EBF4: variants seen among roughly 807,000 people sequenced by gnomAD.
EBF4 encodes the protein transcription factor COE4.
In EBF4, 34 loss-of-function variants were observed where a neutral mutation model predicts 67.1. The ratio of observed to expected loss-of-function variants is 0.51; its 90% CI spans 0.39 to 0.67. The LOEUF is 0.67. EBF4 is among the 30% of genes least tolerant of loss of function. EBF4 has a pLI of 0.00. For missense variants in EBF4, 837 were observed against 873.3 expected (o/e 0.96, Z 0.52); for synonymous variants, 387 against 377.7 (o/e 1.02, Z -0.29).
intron 5 of EBF4, 29 bp downstream of exon 5, chr20:2,708,049 C>A (rs759389955): frequency 6.3e-7 from 1 of 1,588,390 alleles, no homozygotes; most frequent in Admixed American, 1.8e-5. Context: ...TCACACCTCA[C>A]CCCTCTGCCA....
intron 6 of EBF4, among the ~76,000 whole-genome samples, chr20:2,714,810 A>G (rs2087587200): frequency 6.6e-6 from 1 of 151,890 alleles, no homozygotes; most frequent in Admixed American, 6.6e-5. Flanking sequence ...TCTTTTACAT[A>G]CTCCGGGTTT....
At chr20:2,753,224 C>G (rs569257318) in intron 14 of EBF4, among the ~76,000 whole-genome samples, 2 of 152,312 alleles carry the variant, frequency 1.3e-5, no homozygotes, top group Admixed American at 1.3e-4. Flanking sequence ...TGCCACTGTG[C>G]CTAAAGGGCC....
At position 2,756,851 on chromosome 20, in the gene EBF4, T is replaced by C. The variant is rs1439763479; in HGVS notation, c.1738+1027T>C. ...ATTACGTAAGTGGCTACTGAAGAAT[T>C]TGTCAGAGCCTTTCATGTGCCAGGG... On this transcript the variant is annotated intron_variant, in intron 15 of 16. Coordinates refer to ENST00000609451, the Ensembl canonical transcript of EBF4. The surrounding 1 kb of genome is among the most constrained non-coding windows in gnomAD (Gnocchi z 4.5). Among the ~76,000 whole-genome samples the C allele has an allele frequency of 6.6e-6, 1 of 152,196 alleles. No individual in the cohort carries two copies. The highest frequency in any genetic ancestry group is 1.5e-5 in the Non-Finnish European group (1 of 68,034).
chr20:2,753,232 G>A lies in EBF4; in HGVS notation c.1540+687G>A, dbSNP rs539417087. Reference sequence around the variant, plus strand: ...CTGAATGTGCCACTGTGCCTAAAGGGCCAGTGTGTGATTTCGGAGTCCCAG... The same window carrying A: ...CTGAATGTGCCACTGTGCCTAAAGGACCAGTGTGTGATTTCGGAGTCCCAG... On this transcript the variant is annotated intron_variant, in intron 14 of 16. Transcript: ENST00000609451. Among the ~76,000 whole-genome samples, 6 of 152,322 alleles carry A rather than the reference G, an allele frequency of 3.9e-5. No homozygotes were observed. The South Asian group carries it at 6.2e-4, about 16-fold the overall frequency.
Position 2,756,740 on chromosome 20 carries a change from G to T in EBF4, c.1738+916G>T, listed in dbSNP as rs1477962435. Among the ~76,000 whole-genome samples the T allele has an allele frequency of 6.6e-6, 1 of 152,216 alleles. No homozygotes were observed. The highest frequency in any genetic ancestry group is 6.5e-5 in the Admixed American group (1 of 15,286). On this transcript the variant is annotated intron_variant, in intron 15 of 16. Transcript: ENST00000609451. The surrounding 1 kb of genome is among the most constrained non-coding windows in gnomAD (Gnocchi z 4.5). ...TTTGTGGGGCACTGATCTGGAAGAG[G>T]TTGGGTTAGAGCACGTCCTATTGAG... is the stretch of plus-strand genomic sequence containing the variant.
intron 6 of EBF4, among the ~76,000 whole-genome samples, chr20:2,723,586 T>C (rs1357606475): frequency 6.6e-6 from 1 of 152,090 alleles, no homozygotes; most frequent in Non-Finnish European, 1.5e-5. Context: ...CCTGACCTCG[T>C]GATCCACCCG....
At chr20:2,706,589 G>T (rs1167699870) in intron 4 of EBF4, among the ~76,000 whole-genome samples, 1 of 152,174 alleles carries the variant, frequency 6.6e-6, no homozygotes, top group African/African-American at 2.4e-5. Flanking sequence ...AGGTAAGCTG[G>T]ACAGAAAACT....
chr20:2,744,482 T>C (rs1256034667), intron 6 of EBF4, among the ~76,000 whole-genome samples: 4 of 120,934 alleles, frequency 3.3e-5, no homozygotes, highest in African/African-American at 1.5e-4. Context: ...CTTTTTTCTT[T>C]TTTTCTTTTC....
At chr20:2,693,194 G>C, upstream of EBF4, 1 of 151,706 alleles carries the variant, frequency 6.6e-6, no homozygotes, top group African/African-American at 2.4e-5. The surrounding 1 kb of genome is among the most constrained non-coding windows in gnomAD (Gnocchi z 4.6). Context: ...GGGCGGGCGG[G>C]AGGTGGGGGC....
rs1403485132 is a variant in EBF4 at position 2,707,311 on chromosome 20, A to G, written c.415-636A>G. On this transcript the variant is annotated intron_variant, in intron 4 of 16. Coordinates refer to ENST00000609451, the Ensembl canonical transcript of EBF4. The surrounding 1 kb of genome is among the most constrained non-coding windows in gnomAD (Gnocchi z 4.6). The stretch of plus-strand genomic sequence containing the variant: ...GGGAAGGCACAGAGGGTTATAAACT[A>G]GGAAGGCAGATTTGCAGTTAGGAAG... 6.6e-6 allele frequency among the ~76,000 whole-genome samples: 1 copy of G among 152,138 alleles called. No homozygotes were observed. The highest frequency in any genetic ancestry group is 1.5e-5 in the Non-Finnish European group (1 of 68,022).
At chr20:2,702,176 A>G (rs1340448127) in intron 1 of EBF4, among the ~76,000 whole-genome samples, 3 of 152,180 alleles carry the variant, frequency 2.0e-5, no homozygotes, top group South Asian at 2.1e-4. Flanking sequence ...GCTCAAGACT[A>G]TAATCCCAGC....
At chr20:2,729,120 A>G (rs2087781097) in intron 6 of EBF4, among the ~76,000 whole-genome samples, 1 of 152,172 alleles carries the variant, frequency 6.6e-6, no homozygotes, top group East Asian at 1.9e-4. Context: ...TTATAATTCT[A>G]TGAATTTATT....
chr20:2,741,773 C>T (rs1472453316), intron 6 of EBF4, among the ~76,000 whole-genome samples: 1 of 152,182 alleles, frequency 6.6e-6, no homozygotes, highest in Non-Finnish European at 1.5e-5. Context: ...CCACTGTTCA[C>T]AGCTCTTCTT....
chr20:2,755,817 G>C lies in EBF4; in HGVS notation c.1731G>C (p.Gly577=). 1.3e-6 allele frequency: 2 copies of C among 1,546,962 alleles called. No homozygotes were observed. The highest frequency in any genetic ancestry group is 1.7e-6 in the Non-Finnish European group (2 of 1,146,796). Residue 577 remains glycine (G), a synonymous_variant, in exon 15 of 17, where the codon GGG becomes GGC. Coordinates refer to ENST00000609451, the Ensembl canonical transcript of EBF4. The surrounding 1 kb of genome is among the most constrained non-coding windows in gnomAD (Gnocchi z 4.7). ...CCTGCCCCAGAGCCCACGGAGAGGG[G>C]CTTCCAGGTGAGTGATCCACCCTGC...
chr20:2,735,753 G>A (rs1008027926), intron 6 of EBF4, among the ~76,000 whole-genome samples: 1 of 152,186 alleles, frequency 6.6e-6, no homozygotes, highest in African/African-American at 2.4e-5. Flanking sequence ...GAGAAGAGAG[G>A]CTTAAACAAT....
rs755767536 is a variant in EBF4, at chr20:2,749,768, C to T, written c.891+15C>T. On this transcript the variant is annotated intron_variant, in intron 9 of 16. Coordinates refer to ENST00000609451, the Ensembl canonical transcript of EBF4. ...TGTGGAGCGAGGTGGGCCAACCCCG[C>T]CAGTCTCCCTCTGGGCCTAGGGGCT... The T allele has an allele frequency of 9.3e-6, 14 of 1,498,484 alleles. No homozygotes were observed. In the Admixed American group the frequency reaches 2.8e-4, roughly 30 times the overall value. 92.8% of individuals were successfully genotyped at this position (1,498,484 alleles called of 1,614,324 possible).
chr20:2,724,728 G>GA, intron 6 of EBF4, among the ~76,000 whole-genome samples: 1 of 152,138 alleles, frequency 6.6e-6, no homozygotes, highest in Non-Finnish European at 1.5e-5. Context: ...AACATAGTGA[G>GA]ACCCCATCTC....
chr20:2,735,683 G>C (rs1389321842), intron 6 of EBF4, among the ~76,000 whole-genome samples: 1 of 152,176 alleles, frequency 6.6e-6, no homozygotes, highest in African/African-American at 2.4e-5. Context: ...TTTGACTCTT[G>C]AATTCTATCA....
At position 2,696,667 on chromosome 20, in the gene EBF4, A is replaced by G. The variant is rs114254499; in HGVS notation, c.137+2885A>G. On this transcript the variant is annotated intron_variant, in intron 1 of 16. Transcript: ENST00000609451. This position sits in a 1 kb window ranked among gnomAD's most constrained non-coding sequence, Gnocchi z 4.7. Reference sequence around the variant, plus strand: ...ATTAGCTGCGCCTCCAGTAAGTGCTATGGTCTATTGAAACAATCCCTCTGC... The same window carrying G: ...ATTAGCTGCGCCTCCAGTAAGTGCTGTGGTCTATTGAAACAATCCCTCTGC... 6.5e-3 allele frequency among the ~76,000 whole-genome samples: 993 copies of G among 152,058 alleles called. 10 individuals are homozygous for G. Among genetic ancestry groups the G allele is most frequent in the African/African-American group, 0.023 (935 of 41,482 alleles).
Sources: gnomAD v4.1 joint callset for allele counts (sites outside exome capture counted in the v4.1 genomes callset) on GRCh38, gnomAD v4.1.1 for gene constraint, Gnocchi (gnomAD v3.1) non-coding constraint, MANE v1.5 for transcripts, NCBI Gene and HGNC (gene_info 2026-07-23, HGNC 2026-07-21) for gene names.